Variants in OPCML observed in about 807,000 individuals in gnomAD.
OPCML encodes the protein opioid binding protein/cell adhesion molecule like.
In OPCML, 13 loss-of-function variants were observed where a neutral mutation model predicts 37.8. That is an observed-to-expected ratio of 0.34 (90% CI 0.22 to 0.55). OPCML has a LOEUF of 0.55. Among genes scored for constraint, OPCML ranks in the 20% least tolerant of loss-of-function variants. OPCML has a pLI of 0.91. For missense variants in OPCML, 341 were observed against 435.6 expected, an observed-to-expected ratio of 0.78 and a Z score of 1.93; for synonymous variants, 176 against 168.8, an observed-to-expected ratio of 1.04 and a Z score of -0.33.
intron 3 of OPCML, among the ~76,000 whole-genome samples, chr11:132,647,958 T>C (rs1476983969): frequency 4.6e-5 from 7 of 152,218 alleles, no homozygotes; most frequent in Non-Finnish European, 5.9e-5. Context: ...GAAGCCAGAA[T>C]AAGAATAGGG....
chr11:132,937,962 G>A (rs1945447661), intron 2 of OPCML, among the ~76,000 whole-genome samples: 1 of 151,778 alleles, frequency 6.6e-6, no homozygotes, highest in Admixed American at 6.6e-5. Context: ...GCCATCATTG[G>A]TGGATTCAAC....
At chr11:133,327,207 G>T (rs1943494815) in intron 1 of OPCML, among the ~76,000 whole-genome samples, 1 of 150,710 alleles carries the variant, frequency 6.6e-6, no homozygotes, top group Admixed American at 6.6e-5. Context: ...GTATGAGGGG[G>T]TATGTGGGTA....
rs1052836217 is a variant in OPCML, at chr11:132,660,746, C to T, written c.147-3427G>A. ...CAATCAGGTGCCATTGCCTTTAGTG[C>T]CCTGCTTTGCTTCTGTGGGAGTCTC... On this transcript the variant is annotated intron_variant, in intron 2 of 7. Coordinates refer to ENST00000524381, the MANE Select transcript of OPCML (RefSeq NM_001012393.5). Among the ~76,000 whole-genome samples the T allele has an allele frequency of 3.9e-5, 6 of 152,234 alleles. 1 individual carries two copies. In the South Asian group the frequency reaches 1.0e-3, roughly 26 times the overall value.
rs1176011947 is a variant in OPCML at position 132,415,575 on chromosome 11, C to G, written c.*4618G>C. 1 of 152,156 alleles carries G rather than the reference C, an allele frequency of 6.6e-6. No homozygotes were observed. The highest frequency in any genetic ancestry group is 1.5e-5 in the Non-Finnish European group (1 of 68,028). The allele number at this position is 152,156 out of a possible 1,614,324, so 9.4% of individuals were successfully genotyped here. On this transcript the variant is annotated 3_prime_UTR_variant, in exon 8 of 8. Coordinates refer to ENST00000524381, the MANE Select transcript of OPCML (RefSeq NM_001012393.5). ...AGGGTTCGCAATCTTTCTTTCTCCA[C>G]CCAGTGGTGTGGAGCAACTCTGTGC... is the stretch of plus-strand genomic sequence containing the variant.
chr11:132,467,402 C>A (rs61908173), intron 4 of OPCML, among the ~76,000 whole-genome samples: 8,909 of 152,320 alleles, frequency 0.058, 350 homozygotes, highest in Middle Eastern at 0.13. Flanking sequence ...CTGAAGTTTT[C>A]TTTTCCTGCA....
chr11:132,979,487 C>T (rs1438966533), intron 1 of OPCML, among the ~76,000 whole-genome samples: 1 of 152,230 alleles, frequency 6.6e-6, no homozygotes, highest in Non-Finnish European at 1.5e-5. Flanking sequence ...TCCAAACATC[C>T]ACAGGATGGC....
intron 1 of OPCML, among the ~76,000 whole-genome samples, chr11:133,400,410 C>G (rs1378129471): frequency 6.6e-6 from 1 of 152,178 alleles, no homozygotes; most frequent in Non-Finnish European, 1.5e-5. Context: ...CTCTTTGCTC[C>G]TTCCGCTAAA....
At chr11:132,430,810 C>T (rs1292310989) in intron 7 of OPCML, among the ~76,000 whole-genome samples, 2 of 152,198 alleles carry the variant, frequency 1.3e-5, no homozygotes, top group East Asian at 3.9e-4. Context: ...CAGTTCCAGT[C>T]ATCCAGGCGT....
At chr11:132,615,981 C>A (rs1591628757) in intron 3 of OPCML, among the ~76,000 whole-genome samples, 1 of 152,176 alleles carries the variant, frequency 6.6e-6, no homozygotes, top group African/African-American at 2.4e-5. Flanking sequence ...TGAATCTAGG[C>A]TACACTTGAA....
chr11:133,297,504 T>C (rs1942659706), intron 1 of OPCML: 2 of 152,196 alleles, frequency 1.3e-5, no homozygotes, highest in Non-Finnish European at 2.9e-5. Flanking sequence ...CTCTGTGATG[T>C]GCCAAGGAAA....
At chr11:132,864,478 A>T (rs962580742) in intron 2 of OPCML, among the ~76,000 whole-genome samples, 6 of 152,212 alleles carry the variant, frequency 3.9e-5, no homozygotes, top group Admixed American at 3.9e-4. Context: ...TAAAAGTAGA[A>T]CTATCTATGT....
At chr11:133,108,061 G>C (rs1488436002) in intron 1 of OPCML, among the ~76,000 whole-genome samples, 1 of 152,188 alleles carries the variant, frequency 6.6e-6, no homozygotes. Context: ...CACAAAAGCA[G>C]AGCAGCCAAA....
At chr11:133,513,585 A>C (rs1205036480) in intron 1 of OPCML, among the ~76,000 whole-genome samples, 1 of 152,210 alleles carries the variant, frequency 6.6e-6, no homozygotes, top group Non-Finnish European at 1.5e-5. Flanking sequence ...TTGTTTATGC[A>C]AAAGACTGCA....
chr11:132,427,369 A>T (rs1000674801), intron 7 of OPCML, among the ~76,000 whole-genome samples: 7 of 152,226 alleles, frequency 4.6e-5, no homozygotes, highest in African/African-American at 1.7e-4. Context: ...TAGATGATGT[A>T]TGTGTTACAC....
At chr11:132,446,741 G>C (rs12421501) in intron 4 of OPCML, among the ~76,000 whole-genome samples, 60 of 151,948 alleles carry the variant, frequency 3.9e-4, no homozygotes, top group East Asian at 2.9e-3. Context: ...AGAAGTAAAA[G>C]TACTGCTTTA....
chr11:133,515,112 C>T (rs1430312505), intron 1 of OPCML, among the ~76,000 whole-genome samples: 1 of 152,190 alleles, frequency 6.6e-6, no homozygotes, highest in Non-Finnish European at 1.5e-5. Context: ...TCTGGATAAA[C>T]TGAATTTCCA....
chr11:133,327,251 G>C (rs1229016873), intron 1 of OPCML, among the ~76,000 whole-genome samples: 3 of 151,750 alleles, frequency 2.0e-5, no homozygotes, highest in Admixed American at 2.0e-4. Flanking sequence ...TGTGGTGTGT[G>C]AGTTGTTAGC....
intron 1 of OPCML, among the ~76,000 whole-genome samples, chr11:133,175,456 T>C (rs1950353473): frequency 6.7e-6 from 1 of 149,882 alleles, no homozygotes. Flanking sequence ...TTGGTATAGG[T>C]CTACAAGTGT....
chr11:133,475,218 TTTGTTGTTTTTTTG>T lies in OPCML; in HGVS notation c.61+57032_61+57045del, dbSNP rs1486059489. Among the ~76,000 whole-genome samples, 685 of 129,326 alleles carry T rather than the reference TTTGTTGTTTTTTTG, an allele frequency of 5.3e-3. 8 individuals are homozygous for T. Among genetic ancestry groups the T allele is most frequent in the African/African-American group, 0.028 (658 of 23,396 alleles). 84.8% of individuals were successfully genotyped at this position (129,326 alleles called of 152,430 possible). On this transcript the variant is annotated intron_variant, in intron 1 of 7. Transcript: ENST00000524381. The stretch of plus-strand genomic sequence containing the variant: ...TTTTGTTTTGTTTTTGTGGTTTTTT[TTTGTTGTTTTTTTG>T]TTGTTGTTGTTGTTTTGCCACCTAG...
Sources: allele counts gnomAD v4.1 joint callset (sites outside exome capture counted in the v4.1 genomes callset), GRCh38; gene constraint gnomAD v4.1.1; transcripts MANE v1.5; gene names NCBI Gene and HGNC (gene_info 2026-07-23, HGNC 2026-07-21).